Variants in GCGR observed in about 807,000 individuals in gnomAD.
GCGR encodes the protein glucagon receptor.
In GCGR, 41 loss-of-function variants were observed where a neutral mutation model predicts 56.1. The ratio of observed to expected loss-of-function variants is 0.73; its 90% CI spans 0.57 to 0.95. GCGR has a LOEUF of 0.95. GCGR is among the 40% of genes least tolerant of loss of function. The pLI is 0.00. For synonymous variants in GCGR, 278 were observed against 271.1 expected, an observed-to-expected ratio of 1.03 and a Z score of -0.25; for missense variants, 595 against 638.2, an observed-to-expected ratio of 0.93 and a Z score of 0.73.
In GCGR at chr17:81,808,819, C is replaced by T. The variant is rs576398682; in HGVS notation, c.-177-23C>T. Reference sequence around the variant, plus strand: ...CAGGCGTGAGCCGCCGCGCCCGGCCCCCAGCTCCCTCTTTATCCCTAGGAC... The same window carrying T: ...CAGGCGTGAGCCGCCGCGCCCGGCCTCCAGCTCCCTCTTTATCCCTAGGAC... On this transcript the variant is annotated intron_variant, in intron 1 of 13. Transcript: ENST00000400723. The T allele has an allele frequency of 1.2e-4, 77 of 647,186 alleles. 1 individual carries two copies. The African/African-American group carries it at 1.3e-3, about 11-fold the overall frequency. The allele number at this position is 647,186 out of a possible 1,614,324, so 40.1% of individuals were successfully genotyped here. A position where few individuals can be genotyped will look rare whatever the true frequency, so the allele number is the denominator to read the frequency against.
chr17:81,811,426 G>A lies in GCGR; in HGVS notation c.523G>A (p.Ala175Thr), dbSNP rs1482107974. The change falls in exon 7 of 14, where the codon GCC becomes ACC. Residue 175 changes from alanine (A) to threonine (T), a missense_variant. Transcript: ENST00000400723. This position sits in a 1 kb window ranked among gnomAD's most constrained non-coding sequence, Gnocchi z 5.8. ...GLSKLHCTRN[A>T]IHANLFASFV... ...CAGCAAGCTGCACTGCACCCGCAAT[G>A]CCATCCACGCGAATCTGTTTGCGTC... 1.3e-6 allele frequency: 2 copies of A among 1,536,520 alleles called. No homozygotes were observed. The highest frequency in any genetic ancestry group is 8.7e-7 in the Non-Finnish European group (1 of 1,146,858).
rs2037905597 is a variant in GCGR, at chr17:81,804,488, C to CGTTCTCTG, written c.-178+242_-178+249dup. Among the ~76,000 whole-genome samples the CGTTCTCTG allele has an allele frequency of 6.6e-6, 1 of 151,642 alleles. No individual in the cohort carries two copies. Among genetic ancestry groups the CGTTCTCTG allele is most frequent in the African/African-American group, 2.4e-5 (1 of 41,324 alleles). ...GGTCCAGGGGTCTCAGCCCCTCCCC[C>CGTTCTCTG]GTTCTCTGGTCCTGGGGGGCGCGGC... On this transcript the variant is annotated intron_variant, in intron 1 of 13. Transcript: ENST00000400723. The surrounding 1 kb of genome is among the most constrained non-coding windows in gnomAD (Gnocchi z 8.2).
In GCGR at chr17:81,809,011, C is replaced by G. The variant is rs887711807; in HGVS notation, c.-8C>G. On this transcript the variant is annotated 5_prime_UTR_variant, in exon 2 of 14. Transcript: ENST00000400723. ...CCAGATGTGGGAGGCAGCTAGCTGC[C>G]CAGAGGCATGCCCCCCTGCCAGCCA... The G allele has an allele frequency of 2.0e-6, 3 of 1,535,864 alleles. No homozygotes were observed. The African/African-American group carries it at 4.1e-5, about 21-fold the overall frequency.
chr17:81,809,976 C>T (rs1267354552), intron 3 of GCGR, 92 bp downstream of exon 3: 11 of 950,348 alleles, frequency 1.2e-5, no homozygotes, highest in African/African-American at 3.2e-5. Flanking sequence ...GCTTATGCAG[C>T]CTTTGAGGAC....
chr17:81,811,815 G>A lies in GCGR; in HGVS notation c.817+5G>A. 6 of 1,536,958 alleles carry A rather than the reference G, an allele frequency of 3.9e-6. No individual in the cohort carries two copies. Among genetic ancestry groups the A allele is most frequent in the Non-Finnish European group, 5.2e-6 (6 of 1,146,862 alleles). On this transcript the variant is annotated splice_donor_5th_base_variant and intron_variant, in intron 8 of 13. Coordinates refer to ENST00000400723, the MANE Select transcript of GCGR (RefSeq NM_000160.5). This position sits in a 1 kb window ranked among gnomAD's most constrained non-coding sequence, Gnocchi z 5.8. ...TCTACCTGGGCATCGGCTGGGGTGA[G>A]TGGGCTGGCATGAGAGGGGGTTAAG... is the stretch of plus-strand genomic sequence containing the variant.
rs916615872 is a variant in GCGR at position 81,810,488 on chromosome 17, G to A, written c.164-337G>A. 3 of 442,272 alleles carry A rather than the reference G, an allele frequency of 6.8e-6. No individual in the cohort carries two copies. In the East Asian group the frequency reaches 1.3e-4, roughly 19 times the overall value. 27.4% of individuals were successfully genotyped at this position (442,272 alleles called of 1,614,324 possible). A position where few individuals can be genotyped will look rare whatever the true frequency, so the allele number is the denominator to read the frequency against. The stretch of plus-strand genomic sequence containing the variant: ...TTCAGCCCCCAGAGAGGGAGGTGCT[G>A]AGAGAAGGTCACGGAGAATGGGGGA... On this transcript the variant is annotated intron_variant, in intron 3 of 13. Transcript: ENST00000400723. The surrounding 1 kb of genome is among the most constrained non-coding windows in gnomAD (Gnocchi z 4.6).
chr17:81,810,708 C>T lies in GCGR; in HGVS notation c.164-117C>T, dbSNP rs1179183190. On this transcript the variant is annotated intron_variant, in intron 3 of 13. Transcript: ENST00000400723. This position sits in a 1 kb window ranked among gnomAD's most constrained non-coding sequence, Gnocchi z 4.6. ...GGGGAGGGAGCAGCCCAGGCCATGT[C>T]CTGGGCGAGGTGACGGCCGAGCTCA... 1.0e-6 allele frequency: 1 copy of T among 960,220 alleles called. No individual in the cohort carries two copies. Among genetic ancestry groups the T allele is most frequent in the Non-Finnish European group, 1.6e-6 (1 of 630,120 alleles). 59.5% of individuals were successfully genotyped at this position (960,220 alleles called of 1,614,324 possible).
Sources: gnomAD v4.1 joint callset for allele counts (sites outside exome capture counted in the v4.1 genomes callset) on GRCh38, gnomAD v4.1.1 for gene constraint, Gnocchi (gnomAD v3.1) non-coding constraint, MANE v1.5 for transcripts, NCBI Gene and HGNC (gene_info 2026-07-23, HGNC 2026-07-21) for gene names.